The following XKR9 variants were observed in gnomAD, a reference collection of about 807,000 sequenced individuals.
XKR9 encodes the protein XK-related protein 9.
In XKR9, 32 loss-of-function variants were observed where a neutral mutation model predicts 32.0. The ratio of observed to expected loss-of-function variants is 1.00; its 90% CI spans 0.76 to 1.34. The LOEUF (loss-of-function observed/expected upper bound fraction) is 1.34, where lower values mean the gene tolerates loss of function less well. Ranked by LOEUF, XKR9 falls within the 40% of genes most tolerant of loss-of-function variation. The pLI is 0.00. For missense variants in XKR9, 546 were observed against 429.7 expected, an observed-to-expected ratio of 1.27 and a Z score of -2.39; for synonymous variants, 168 against 143.4, an observed-to-expected ratio of 1.17 and a Z score of -1.22.
the XKR9 span, among the ~76,000 whole-genome samples, chr8:70,950,708 C>G: frequency 1.3e-5 from 2 of 152,086 alleles, no homozygotes; most frequent in Admixed American, 1.3e-4. Context: ...GAGTCTCACT[C>G]TGTTCCTCAG....
chr8:71,035,634 A>G, the XKR9 span, among the ~76,000 whole-genome samples: 1 of 152,194 alleles, frequency 6.6e-6, no homozygotes, highest in Non-Finnish European at 1.5e-5. Context: ...AGTGGGGTAG[A>G]CACAAGTAAG....
At chr8:70,839,854 A>G in the XKR9 span, among the ~76,000 whole-genome samples, 3 of 152,190 alleles carry the variant, frequency 2.0e-5, no homozygotes, top group African/African-American at 7.2e-5. Context: ...CCCTGTCCAG[A>G]CAAATGGACA....
the XKR9 span, among the ~76,000 whole-genome samples, chr8:71,055,830 T>G: frequency 2.0e-5 from 3 of 152,212 alleles, no homozygotes; most frequent in Non-Finnish European, 4.4e-5. Context: ...CTAAAAGTAA[T>G]TGTTTGAGTT....
the XKR9 span, among the ~76,000 whole-genome samples, chr8:70,813,701 A>T: frequency 6.6e-6 from 1 of 152,262 alleles, no homozygotes; most frequent in Non-Finnish European, 1.5e-5. Flanking sequence ...AATTCTCTTC[A>T]TCACTGGCCG....
At chr8:70,908,880 A>G in the XKR9 span, among the ~76,000 whole-genome samples, 12,791 of 152,212 alleles carry the variant, frequency 0.084, 613 homozygotes, top group African/African-American at 0.098. Context: ...CTCTAGAACA[A>G]CTTATAAACC....
chr8:70,985,632 A>C, the XKR9 span, among the ~76,000 whole-genome samples: 1 of 152,198 alleles, frequency 6.6e-6, no homozygotes, highest in Non-Finnish European at 1.5e-5. Flanking sequence ...TCTAAGGCAT[A>C]TGCTACCTGA....
At chr8:70,695,036 T>G (rs1246225041) in intron 3 of XKR9, among the ~76,000 whole-genome samples, 1 of 151,936 alleles carries the variant, frequency 6.6e-6, no homozygotes, top group Admixed American at 6.6e-5. Context: ...ATGATTTCCC[T>G]GGGTTGCTCT....
At chr8:70,762,185 T>C (rs1199461346) in intron 2 of XKR9, among the ~76,000 whole-genome samples, 2 of 152,196 alleles carry the variant, frequency 1.3e-5, no homozygotes, top group Non-Finnish European at 2.9e-5. Flanking sequence ...ATTTGGGCTT[T>C]TTTTTGGTTC....
chr8:70,753,720 T>G (rs1334863066), intron 2 of XKR9, among the ~76,000 whole-genome samples: 3 of 152,014 alleles, frequency 2.0e-5, no homozygotes, highest in African/African-American at 7.2e-5. Context: ...CAACAACGCT[T>G]CATGCTAAAA....
the XKR9 span, among the ~76,000 whole-genome samples, chr8:70,930,017 T>C: frequency 6.6e-6 from 1 of 152,116 alleles, no homozygotes; most frequent in East Asian, 1.9e-4. Flanking sequence ...TTTGACCAGG[T>C]TTGATTTTCG....
chr8:70,976,142 G>T, the XKR9 span, among the ~76,000 whole-genome samples: 1 of 152,162 alleles, frequency 6.6e-6, no homozygotes, highest in Non-Finnish European at 1.5e-5. Flanking sequence ...GAGATTTTGG[G>T]CTGAGACAAT....
At chr8:70,990,076 GGC>G in the XKR9 span, among the ~76,000 whole-genome samples, 1 of 152,060 alleles carries the variant, frequency 6.6e-6, no homozygotes, top group Non-Finnish European at 1.5e-5. Flanking sequence ...TTTGTTCCTG[GGC>G]AAGCTGGGTA....
At chr8:70,962,224 AT>A in the XKR9 span, among the ~76,000 whole-genome samples, 2 of 152,054 alleles carry the variant, frequency 1.3e-5, no homozygotes, top group African/African-American at 4.8e-5. Context: ...ATTTTAAATA[AT>A]TTTAACCTAT....
the XKR9 span, among the ~76,000 whole-genome samples, chr8:71,038,803 ATT>A: frequency 1.6e-4 from 19 of 119,264 alleles, no homozygotes; most frequent in African/African-American, 1.9e-4. Context: ...TTGGATGCTG[ATT>A]TTTTTTTTTT....
intron 2 of XKR9, among the ~76,000 whole-genome samples, chr8:70,779,223 T>C (rs1249225123): frequency 1.3e-5 from 2 of 152,176 alleles, no homozygotes; most frequent in Admixed American, 6.5e-5. Flanking sequence ...ACGTGGTTTT[T>C]TGTCGTTCTG....
the XKR9 span, among the ~76,000 whole-genome samples, chr8:70,900,267 CT>C: frequency 6.6e-6 from 1 of 152,082 alleles, no homozygotes; most frequent in South Asian, 2.1e-4. Flanking sequence ...TTCTTTACCC[CT>C]GGCAGCCAAT....
chr8:70,690,832 T>C (rs1259885852), intron 3 of XKR9, among the ~76,000 whole-genome samples: 1 of 152,126 alleles, frequency 6.6e-6, no homozygotes, highest in Non-Finnish European at 1.5e-5. Flanking sequence ...TGTCATTGAT[T>C]GGTATTTAGG....
At chr8:70,858,826 C>T in the XKR9 span, among the ~76,000 whole-genome samples, 2 of 151,960 alleles carry the variant, frequency 1.3e-5, no homozygotes, top group African/African-American at 2.4e-5. Context: ...GAAACTGGAC[C>T]CCTATTCCTC....
chr8:70,747,450 G>T (rs761838130), intron 2 of XKR9, among the ~76,000 whole-genome samples: 9 of 152,162 alleles, frequency 5.9e-5, no homozygotes, highest in Non-Finnish European at 1.2e-4. Context: ...GAGTGGTACT[G>T]GTGGCTTTTT....
Sources: gnomAD v4.1 joint callset for allele counts (sites outside exome capture counted in the v4.1 genomes callset) on GRCh38, gnomAD v4.1.1 for gene constraint, MANE v1.5 for transcripts, NCBI Gene and HGNC (gene_info 2026-07-23, HGNC 2026-07-21) for gene names.